Variants in FAM120A observed in about 807,000 individuals in gnomAD.
FAM120A encodes family with sequence similarity 120 member A.
FAM120A carries 15 observed loss-of-function variants against 109.7 expected under a neutral mutation model. The observed-to-expected ratio is 0.14, with a 90% CI of 0.09 to 0.21. The LOEUF (loss-of-function observed/expected upper bound fraction) is 0.21. Among genes scored for constraint, FAM120A ranks in the 10% least tolerant of loss-of-function variants. The pLI, the probability that FAM120A is intolerant of heterozygous loss-of-function variation, is 1.00. For synonymous variants in FAM120A, 493 were observed against 572.8 expected (o/e 0.86, Z 1.99); for missense variants, 899 against 1,439.3 (o/e 0.62, Z 6.07).
At chr9:93,529,330 C>T (rs777748116) in intron 8 of FAM120A, 23 bp from the exon 9 acceptor site, 2 of 1,546,988 alleles carry the variant, frequency 1.3e-6, no homozygotes. Context: ...TCGTTTTCCT[C>T]CCTTCTGCTC....
At chr9:93,559,336 A>C (rs1564362203) in intron 15 of FAM120A, among the ~76,000 whole-genome samples, 1 of 152,190 alleles carries the variant, frequency 6.6e-6, no homozygotes, top group African/African-American at 2.4e-5. Flanking sequence ...TCCTAATCCC[A>C]CATTTTGGGA....
At chr9:93,473,938 GC>G (rs1858430387) in intron 2 of FAM120A, among the ~76,000 whole-genome samples, 1 of 152,144 alleles carries the variant, frequency 6.6e-6, no homozygotes, top group Admixed American at 6.5e-5. Context: ...AAAATCATAT[GC>G]TCTTAGAATA....
chr9:93,458,079 T>C (rs1857631992), intron 1 of FAM120A, among the ~76,000 whole-genome samples: 1 of 152,104 alleles, frequency 6.6e-6, no homozygotes, highest in South Asian at 2.1e-4. Flanking sequence ...CCTCAAACAC[T>C]TCAGCACCTG....
Position 93,452,769 on chromosome 9 carries a change from T to C in FAM120A, c.474+380T>C. ...AACTTTGACAAAATACTCCCTTTTCTAATTTAGCCTGTTCTTTCCCAGCAA... is the reference window on the plus strand; with the variant it reads ...AACTTTGACAAAATACTCCCTTTTCCAATTTAGCCTGTTCTTTCCCAGCAA... On this transcript the variant is annotated intron_variant, in intron 1 of 17. Transcript: ENST00000277165. The surrounding 1 kb of genome is among the most constrained non-coding windows in gnomAD (Gnocchi z 7.0). 4 of 1,596,342 alleles carry C rather than the reference T, an allele frequency of 2.5e-6. No individual in the cohort carries two copies. The highest frequency in any genetic ancestry group is 3.4e-6 in the Non-Finnish European group (4 of 1,179,368).
chr9:93,547,420 T>C (rs775702935), intron 11 of FAM120A, among the ~76,000 whole-genome samples: 1 of 152,214 alleles, frequency 6.6e-6, no homozygotes, highest in Non-Finnish European at 1.5e-5. Context: ...AGGTGGCCCA[T>C]GCTGGCTGAG....
chr9:93,504,430 C>T (rs571557351), intron 5 of FAM120A, among the ~76,000 whole-genome samples: 10 of 152,234 alleles, frequency 6.6e-5, no homozygotes, highest in South Asian at 4.1e-4. Flanking sequence ...TATATGTCTT[C>T]GCTGGTTGCA....
rs762405026 is a variant in FAM120A at position 93,500,770 on chromosome 9, T to C, written c.1030+1884T>C. Among the ~76,000 whole-genome samples the C allele has an allele frequency of 7.9e-5, 12 of 152,184 alleles. No individual in the cohort carries two copies. ...GAGGCATTATGGGACCAGATCTCAGTGTGTCTACTGTATACCCTGCACACA... is the reference window on the plus strand; with the variant it reads ...GAGGCATTATGGGACCAGATCTCAGCGTGTCTACTGTATACCCTGCACACA... On this transcript the variant is annotated intron_variant, in intron 5 of 17. Transcript: ENST00000277165. This position sits in a 1 kb window ranked among gnomAD's most constrained non-coding sequence, Gnocchi z 4.6.
chr9:93,540,732 C>A (rs1861665804), intron 10 of FAM120A, among the ~76,000 whole-genome samples: 1 of 152,116 alleles, frequency 6.6e-6, no homozygotes, highest in South Asian at 2.1e-4. Context: ...TCTGAGGATA[C>A]CATGCATTAG....
chr9:93,488,066 C>A (rs544360259), intron 3 of FAM120A, among the ~76,000 whole-genome samples: 16 of 152,264 alleles, frequency 1.1e-4, no homozygotes, highest in Middle Eastern at 6.8e-3. Flanking sequence ...CCCATTTTTA[C>A]TTCTTTCTTT....
Position 93,527,146 on chromosome 9 carries a change from T to A in FAM120A, c.1419-9T>A, listed in dbSNP as rs1331093577. 1 of 1,613,502 alleles carries A rather than the reference T, an allele frequency of 6.2e-7. No individual in the cohort carries two copies. Among genetic ancestry groups the A allele is most frequent in the Admixed American group, 1.7e-5 (1 of 60,024 alleles). The stretch of plus-strand genomic sequence containing the variant: ...GATTGGACAGTAATCATGTTCATTT[T>A]ATGTTTAGCCATATCAGCGGGAACA... On this transcript the variant is annotated splice_polypyrimidine_tract_variant and intron_variant, in intron 7 of 17. Transcript: ENST00000277165.
chr9:93,513,372 C>T (rs1404357455), intron 5 of FAM120A, among the ~76,000 whole-genome samples: 3 of 152,180 alleles, frequency 2.0e-5, no homozygotes, highest in Non-Finnish European at 4.4e-5. Context: ...CTGTGTGTAT[C>T]TACGCCTGTG....
chr9:93,552,545 T>A (rs1247350770), intron 12 of FAM120A, among the ~76,000 whole-genome samples: 1 of 151,806 alleles, frequency 6.6e-6, no homozygotes, highest in East Asian at 1.9e-4. Context: ...AAATAGCATT[T>A]GTTGGGGGGG....
chr9:93,536,817 G>T (rs539209250), intron 10 of FAM120A, among the ~76,000 whole-genome samples: 11 of 152,210 alleles, frequency 7.2e-5, no homozygotes, highest in Non-Finnish European at 1.3e-4. Context: ...TGTATTCTGT[G>T]CTGGCAGTTT....
intron 5 of FAM120A, among the ~76,000 whole-genome samples, chr9:93,504,023 A>G (rs1588851771): frequency 6.6e-6 from 1 of 152,254 alleles, no homozygotes; most frequent in East Asian, 1.9e-4. Flanking sequence ...ACCTCAAGGA[A>G]GACCAACCTG....
At chr9:93,471,964 T>C (rs935618884) in intron 2 of FAM120A, among the ~76,000 whole-genome samples, 5 of 152,186 alleles carry the variant, frequency 3.3e-5, no homozygotes, top group Admixed American at 1.3e-4. Context: ...GACATTAGAT[T>C]TTAATTTTCT....
intron 3 of FAM120A, among the ~76,000 whole-genome samples, chr9:93,483,674 G>A (rs1564319414): frequency 6.6e-6 from 1 of 152,124 alleles, no homozygotes; most frequent in Non-Finnish European, 1.5e-5. Context: ...CCTTCGAAGT[G>A]TAATAAAAAT....
chr9:93,497,114 C>T lies in FAM120A; in HGVS notation c.805-357C>T, dbSNP rs1564327419. On this transcript the variant is annotated intron_variant, in intron 3 of 17. Coordinates refer to ENST00000277165, the MANE Select transcript of FAM120A (RefSeq NM_014612.5). ...AGCGAATGGTGGCTCCAGGCCTTCT[C>T]TCTGGGCTGCTTTGTGCTTCGCTTG... 2.6e-5 allele frequency among the ~76,000 whole-genome samples: 4 copies of T among 152,192 alleles called. No individual in the cohort carries two copies. The South Asian group carries it at 8.3e-4, about 31-fold the overall frequency.
At chr9:93,485,816 G>A (rs1588825436) in intron 3 of FAM120A, among the ~76,000 whole-genome samples, 1 of 151,932 alleles carries the variant, frequency 6.6e-6, no homozygotes, top group African/African-American at 2.4e-5. Flanking sequence ...ACAACCCCTT[G>A]GCCAACCACT....
At chr9:93,495,258 A>G (rs1859523380) in intron 3 of FAM120A, among the ~76,000 whole-genome samples, 1 of 152,254 alleles carries the variant, frequency 6.6e-6, no homozygotes, top group Non-Finnish European at 1.5e-5. Flanking sequence ...GAATTAATAC[A>G]GTACTATACA....
Sources: allele counts gnomAD v4.1 joint callset (sites outside exome capture counted in the v4.1 genomes callset), GRCh38; gene constraint gnomAD v4.1.1; non-coding constraint Gnocchi (gnomAD v3.1); transcripts MANE v1.5; gene names NCBI Gene and HGNC (gene_info 2026-07-23, HGNC 2026-07-21).